Variants in SAMD12 observed in about 807,000 individuals in gnomAD.
SAMD12 encodes the protein sterile alpha motif domain-containing protein 12.
A neutral mutation model predicts 15.0 loss-of-function variants in SAMD12; 9 were observed. That is an observed-to-expected ratio of 0.60 (90% confidence interval 0.36 to 1.05). The LOEUF is 1.05. Among genes scored for constraint, SAMD12 ranks in the 50% least tolerant of loss-of-function variants. The pLI is 0.01. For synonymous variants in SAMD12, 86 were observed against 90.1 expected (o/e 0.96, Z 0.25); for missense variants, 230 against 234.2 (o/e 0.98, Z 0.12).
chr8:118,272,938 TGTC>T (rs1036444432), intron 4 of SAMD12, among the ~76,000 whole-genome samples: 1 of 152,240 alleles, frequency 6.6e-6, no homozygotes, highest in Non-Finnish European at 1.5e-5. Flanking sequence ...CACATTTTCC[TGTC>T]TTCTTCTGAG....
intron 2 of SAMD12, among the ~76,000 whole-genome samples, chr8:118,576,866 T>C (rs1277644624): frequency 6.6e-6 from 1 of 152,176 alleles, no homozygotes; most frequent in Non-Finnish European, 1.5e-5. Flanking sequence ...GCTGTGTGGG[T>C]GATGGGTCAA....
intron 4 of SAMD12, among the ~76,000 whole-genome samples, chr8:118,258,052 T>C (rs1812993495): frequency 6.6e-6 from 1 of 152,076 alleles, no homozygotes; most frequent in Non-Finnish European, 1.5e-5. Context: ...AGAGATTCTA[T>C]CCACCGGTGT....
chr8:118,580,479 T>C (rs1269667667), intron 2 of SAMD12, among the ~76,000 whole-genome samples: 1 of 152,190 alleles, frequency 6.6e-6, no homozygotes, highest in Non-Finnish European at 1.5e-5. Flanking sequence ...CATTCTTCTC[T>C]ATAACCTCAG....
At chr8:118,291,994 A>G (rs1814397218) in intron 4 of SAMD12, among the ~76,000 whole-genome samples, 1 of 151,136 alleles carries the variant, frequency 6.6e-6, no homozygotes, top group South Asian at 2.1e-4. Flanking sequence ...TTGTGAGTAT[A>G]TAAAAGAGGA....
At chr8:118,206,083 G>C (rs527799692) in intron 4 of SAMD12, among the ~76,000 whole-genome samples, 14 of 152,298 alleles carry the variant, frequency 9.2e-5, no homozygotes, top group African/African-American at 3.4e-4. Context: ...ATTTTGATGA[G>C]AGATTCTCAA....
At chr8:118,538,408 AG>A (rs561013459) in intron 2 of SAMD12, among the ~76,000 whole-genome samples, 299 of 152,320 alleles carry the variant, frequency 2.0e-3, no homozygotes, top group Non-Finnish European at 3.6e-3. Flanking sequence ...TTACAGTGGC[AG>A]GGCTGGCCAG....
intron 4 of SAMD12, among the ~76,000 whole-genome samples, chr8:118,354,829 A>G (rs1453239779): frequency 2.0e-5 from 3 of 152,252 alleles, no homozygotes; most frequent in African/African-American, 7.2e-5. Context: ...TGCAGAGTCC[A>G]GAAATAACAG....
chr8:118,389,375 T>A (rs1427375583), intron 3 of SAMD12, among the ~76,000 whole-genome samples: 2 of 152,128 alleles, frequency 1.3e-5, no homozygotes, highest in Admixed American at 1.3e-4. Flanking sequence ...AGAACTGCCC[T>A]AAGGGATGAC....
chr8:118,183,184 A>G, the SAMD12 span, among the ~76,000 whole-genome samples: 1 of 152,196 alleles, frequency 6.6e-6, no homozygotes, highest in Non-Finnish European at 1.5e-5. Context: ...TACTTGTAGA[A>G]TAAATCATGA....
intron 3 of SAMD12, among the ~76,000 whole-genome samples, chr8:118,392,239 C>CCACGTGGTGAAACCTGTCT (rs1279189206): frequency 6.6e-6 from 1 of 151,984 alleles, no homozygotes; most frequent in Non-Finnish European, 1.5e-5. Context: ...CCATCCTGGC[C>CCACGTGGTGAAACCTGTCT]CACGTGGTGA....
intron 4 of SAMD12, among the ~76,000 whole-genome samples, chr8:118,318,319 T>C (rs1292308278): frequency 2.2e-4 from 2 of 9,286 alleles, no homozygotes; most frequent in East Asian, 7.8e-3. Context: ...TGTATATATA[T>C]ATATATATAT....
At chr8:118,550,185 A>G (rs1826279833) in intron 2 of SAMD12, among the ~76,000 whole-genome samples, 3 of 152,188 alleles carry the variant, frequency 2.0e-5, no homozygotes, top group Admixed American at 2.0e-4. Flanking sequence ...GAACGCCACA[A>G]AGATACTCCT....
chr8:118,132,984 A>ATATAT, the SAMD12 span, among the ~76,000 whole-genome samples: 10 of 46,336 alleles, frequency 2.2e-4, no homozygotes, highest in Non-Finnish European at 3.0e-4. Context: ...ATATATATAT[A>ATATAT]TATATATATA....
chr8:118,539,606 G>A (rs981548223), intron 2 of SAMD12, among the ~76,000 whole-genome samples: 6 of 152,306 alleles, frequency 3.9e-5, no homozygotes, highest in Middle Eastern at 3.4e-3. Context: ...CAGAGCCACA[G>A]GGTCCTGGGG....
chr8:118,218,059 C>T (rs764498200), intron 4 of SAMD12, among the ~76,000 whole-genome samples: 21 of 152,110 alleles, frequency 1.4e-4, no homozygotes, highest in Non-Finnish European at 2.4e-4. Context: ...TAGCTCACAG[C>T]CCAAGTTCTG....
At chr8:118,196,233 AC>A (rs1436025905) in exon 5 of SAMD12, 1 of 152,106 alleles carries the variant, frequency 6.6e-6, no homozygotes, top group African/African-American at 2.4e-5. Context: ...ACCCTAAAAC[AC>A]CAAGCTTGCT....
At chr8:118,346,135 T>C (rs1447138209) in intron 4 of SAMD12, among the ~76,000 whole-genome samples, 1 of 152,220 alleles carries the variant, frequency 6.6e-6, no homozygotes, top group African/African-American at 2.4e-5. Context: ...ATATAATCCC[T>C]TTAGTAGGGT....
At chr8:118,399,489 G>C (rs1246037282) in intron 3 of SAMD12, among the ~76,000 whole-genome samples, 2 of 152,068 alleles carry the variant, frequency 1.3e-5, no homozygotes, top group African/African-American at 2.4e-5. Flanking sequence ...CCTGTGAGTA[G>C]CCTGCATCCA....
chr8:118,334,768 G>C (rs1316461579), intron 4 of SAMD12, among the ~76,000 whole-genome samples: 4 of 151,992 alleles, frequency 2.6e-5, no homozygotes, highest in African/African-American at 9.7e-5. Flanking sequence ...GCTAATTTTT[G>C]TATTTTTTAG....
Sources: allele counts gnomAD v4.1 joint callset (sites outside exome capture counted in the v4.1 genomes callset), GRCh38; gene constraint gnomAD v4.1.1; transcripts MANE v1.5; gene names NCBI Gene and HGNC (gene_info 2026-07-23, HGNC 2026-07-21).